The following RNF212B variants were observed in gnomAD, a reference collection of about 807,000 sequenced individuals.
RNF212B encodes the protein E3 ubiquitin-protein ligase RNF212B.
In RNF212B, 52 loss-of-function variants were observed where a neutral mutation model predicts 55.5. That is an observed-to-expected ratio of 0.94 (90% CI 0.75 to 1.18). The LOEUF (loss-of-function observed/expected upper bound fraction) is 1.18, where lower values mean the gene tolerates loss of function less well. Among genes scored for constraint, RNF212B ranks in the 50% most tolerant of loss-of-function variants. The probability of loss-of-function intolerance (pLI) is 0.00; values close to 1 mark genes in which losing one functional copy is unlikely to be tolerated. For synonymous variants in RNF212B, 99 were observed against 121.4 expected (o/e 0.82, Z 1.21); for missense variants, 289 against 350.4 (o/e 0.82, Z 1.40).
intron 2 of RNF212B, among the ~76,000 whole-genome samples, chr14:23,218,911 A>G (rs1040024107): frequency 1.5e-4 from 23 of 152,264 alleles, no homozygotes; most frequent in African/African-American, 5.3e-4. Context: ...AAACTCCCAA[A>G]GGTCAAGGAT....
At chr14:23,217,205 A>C (rs1881164039) in intron 2 of RNF212B, among the ~76,000 whole-genome samples, 1 of 149,258 alleles carries the variant, frequency 6.7e-6, no homozygotes, top group Non-Finnish European at 1.5e-5. Flanking sequence ...TAACATCAGC[A>C]GTGGCCTGGC....
chr14:23,202,683 C>T (rs1289140974), intron 2 of RNF212B, among the ~76,000 whole-genome samples: 1 of 152,042 alleles, frequency 6.6e-6, no homozygotes. Flanking sequence ...AACCCTGTCT[C>T]TACTAAAAAT....
At chr14:23,188,456 T>G (rs1884543) in intron 1 of RNF212B, 145,143 of 147,874 alleles carry the variant, frequency 0.98, 71,274 homozygotes, top group East Asian at 1. Context: ...TGACAAAGAT[T>G]AGGGTTTTTT....
intron 2 of RNF212B, among the ~76,000 whole-genome samples, chr14:23,209,548 C>A (rs911398981): frequency 6.6e-6 from 1 of 152,106 alleles, no homozygotes; most frequent in Non-Finnish European, 1.5e-5. Flanking sequence ...AAATGATTGA[C>A]TAAAAGACTA....
At position 23,259,841 on chromosome 14, in the gene RNF212B, A is replaced by G. The variant is rs991150719; in HGVS notation, c.345-43A>G. 10 of 1,176,554 alleles carry G rather than the reference A, an allele frequency of 8.5e-6. No homozygotes were observed. In the African/African-American group the frequency reaches 1.3e-4, roughly 15 times the overall value. 72.9% of individuals were successfully genotyped at this position (1,176,554 alleles called of 1,614,324 possible). ...ATAATAATAAAAAATCAGGTTTTTAATCCCTGATTTGCTGGAGCTGATTGT... is the reference window on the plus strand; with the variant it reads ...ATAATAATAAAAAATCAGGTTTTTAGTCCCTGATTTGCTGGAGCTGATTGT... On this transcript the variant is annotated intron_variant, in intron 5 of 14. Transcript: ENST00000430154.
At chr14:23,231,894 G>A (rs552698619) in intron 2 of RNF212B, among the ~76,000 whole-genome samples, 36 of 152,312 alleles carry the variant, frequency 2.4e-4, no homozygotes, top group Admixed American at 1.3e-3. Context: ...TGCCAGCCTC[G>A]GCCTCCCGAG....
intron 9 of RNF212B, among the ~76,000 whole-genome samples, chr14:23,263,606 G>T (rs1170131222): frequency 6.6e-6 from 1 of 152,188 alleles, no homozygotes; most frequent in East Asian, 1.9e-4. Flanking sequence ...CAAGGCTTTT[G>T]TGCCAAGGTG....
At chr14:23,228,894 A>T (rs1566412013) in intron 2 of RNF212B, among the ~76,000 whole-genome samples, 1 of 152,090 alleles carries the variant, frequency 6.6e-6, no homozygotes, top group Non-Finnish European at 1.5e-5. Context: ...TTGCTATTTT[A>T]ACCATTGTTA....
chr14:23,189,329 GA>G (rs1877892481), intron 1 of RNF212B, among the ~76,000 whole-genome samples: 1 of 152,140 alleles, frequency 6.6e-6, no homozygotes, highest in African/African-American at 2.4e-5. Flanking sequence ...CCATTGAAAT[GA>G]ATGTGCTGTC....
At chr14:23,269,508 G>A (rs1594954666) in intron 12 of RNF212B, among the ~76,000 whole-genome samples, 1 of 152,260 alleles carries the variant, frequency 6.6e-6, no homozygotes, top group African/African-American at 2.4e-5. Context: ...AAGGTGGGAG[G>A]ATTGCTTAAG....
chr14:23,231,891 C>T (rs542614687), intron 2 of RNF212B, among the ~76,000 whole-genome samples: 6 of 152,352 alleles, frequency 3.9e-5, no homozygotes, highest in African/African-American at 1.2e-4. Flanking sequence ...ATCTGCCAGC[C>T]TCGGCCTCCC....
At position 23,245,437 on chromosome 14, in the gene RNF212B, C is replaced by A. The variant is rs1883915803; in HGVS notation, c.228+1041C>A. ...AGCAGACCTTTAGTTAATAAATAAA[C>A]CTAGGCATAGTTAATGATCAGTAGA... On this transcript the variant is annotated intron_variant, in intron 4 of 14. Transcript: ENST00000430154. 2.6e-5 allele frequency among the ~76,000 whole-genome samples: 4 copies of A among 152,106 alleles called. No homozygotes were observed. The South Asian group carries it at 8.3e-4, about 31-fold the overall frequency.
intron 8 of RNF212B, 64 bp downstream of exon 8, chr14:23,262,775 G>A (rs1566438645): frequency 6.7e-7 from 1 of 1,489,926 alleles, no homozygotes; most frequent in Non-Finnish European, 9.2e-7. Context: ...TGTAGAAGAT[G>A]GTTTCCTCTC....
intron 11 of RNF212B, 110 bp from the exon 12 acceptor site, chr14:23,268,814 C>A: frequency 3.5e-6 from 3 of 852,374 alleles, no homozygotes; most frequent in Non-Finnish European, 5.8e-6. Flanking sequence ...AACCCTAACC[C>A]ATATACTAAA....
chr14:23,270,747 T>C, intron 14 of RNF212B, 86 bp downstream of exon 14: 1 of 868,556 alleles, frequency 1.2e-6, no homozygotes, highest in Non-Finnish European at 1.9e-6. Context: ...TAGTGGAATA[T>C]AACCAGTGAA....
chr14:23,238,863 G>C (rs1883347039), intron 1 of RNF212B, among the ~76,000 whole-genome samples: 1 of 151,770 alleles, frequency 6.6e-6, no homozygotes, highest in Non-Finnish European at 1.5e-5. Context: ...GAAAATACAG[G>C]CTATATGATT....
At chr14:23,188,368 T>G (rs982593695) in intron 1 of RNF212B, 6 of 152,198 alleles carry the variant, frequency 3.9e-5, no homozygotes, top group African/African-American at 1.4e-4. Flanking sequence ...ACAGTCTTCT[T>G]TCTCAGGATT....
intron 1 of RNF212B, among the ~76,000 whole-genome samples, chr14:23,189,939 C>G (rs1877960371): frequency 6.6e-6 from 1 of 152,162 alleles, no homozygotes; most frequent in Non-Finnish European, 1.5e-5. Context: ...AAGCTTTTGT[C>G]CCCATCACCT....
At chr14:23,258,024 A>G (rs552648675) in intron 4 of RNF212B, among the ~76,000 whole-genome samples, 14 of 152,288 alleles carry the variant, frequency 9.2e-5, no homozygotes, top group Non-Finnish European at 2.1e-4. Flanking sequence ...TCATTCTACT[A>G]TGGTAGAATA....
Sources: gnomAD v4.1 joint callset for allele counts (sites outside exome capture counted in the v4.1 genomes callset) on GRCh38, gnomAD v4.1.1 for gene constraint, MANE v1.5 for transcripts, NCBI Gene and HGNC (gene_info 2026-07-23, HGNC 2026-07-21) for gene names.